The following STK3 variants were observed in gnomAD, a reference collection of about 807,000 sequenced individuals.
The protein encoded by STK3 is serine/threonine kinase 3.
Under a neutral mutation model 58.0 loss-of-function variants are expected in STK3, and 41 were observed. The ratio of observed to expected loss-of-function variants is 0.71; its 90% CI spans 0.55 to 0.92. The LOEUF is 0.92. Ranked by LOEUF, STK3 falls within the 40% of genes least tolerant of loss-of-function variation. The probability of loss-of-function intolerance (pLI) is 0.00; values close to 1 mark genes in which losing one functional copy is unlikely to be tolerated. For missense variants in STK3, 479 were observed against 602.7 expected (o/e 0.79, Z 2.15); for synonymous variants, 170 against 191.0 (o/e 0.89, Z 0.91).
intron 1 of STK3, among the ~76,000 whole-genome samples, chr8:98,795,850 A>G (rs1019276384): frequency 1.3e-5 from 2 of 148,414 alleles, no homozygotes; most frequent in African/African-American, 5.1e-5. Context: ...ACAATACAAT[A>G]CAATACAATA....
At chr8:98,803,912 A>G (rs1276631922) in intron 1 of STK3, among the ~76,000 whole-genome samples, 9 of 152,202 alleles carry the variant, frequency 5.9e-5, no homozygotes, top group Non-Finnish European at 7.3e-5. Context: ...GGAAAGATAG[A>G]TGAATAAAAG....
intron 6 of STK3, among the ~76,000 whole-genome samples, chr8:98,701,640 A>C (rs911973690): frequency 1.3e-5 from 2 of 150,438 alleles, no homozygotes; most frequent in African/African-American, 4.9e-5. Flanking sequence ...ATATATATAT[A>C]TATATATCTA....
rs1375778824 is a variant in STK3 at position 98,641,561 on chromosome 8, T to G, written c.685-45392A>C. On this transcript the variant is annotated intron_variant, in intron 6 of 10. Coordinates refer to ENST00000419617, the MANE Select transcript of STK3 (RefSeq NM_006281.4). ...TTAGTGAACAAAAGAAATAAGAAAT[T>G]CCTGCCCTCATGTTGCCAATTTACC... is the stretch of plus-strand genomic sequence containing the variant. 3.3e-5 allele frequency among the ~76,000 whole-genome samples: 5 copies of G among 152,170 alleles called. No homozygotes were observed. The South Asian group carries it at 1.0e-3, about 31-fold the overall frequency.
chr8:98,611,990 ACAAT>A (rs1446369898), intron 6 of STK3, among the ~76,000 whole-genome samples: 1 of 151,470 alleles, frequency 6.6e-6, no homozygotes, highest in East Asian at 1.9e-4. Flanking sequence ...CTAGGCAACA[ACAAT>A]CAAACTGTTC....
At chr8:98,794,443 C>T (rs1008966323) in intron 1 of STK3, among the ~76,000 whole-genome samples, 1 of 152,116 alleles carries the variant, frequency 6.6e-6, no homozygotes, top group Non-Finnish European at 1.5e-5. Context: ...TTCTTGGAAA[C>T]CCACAATCTC....
chr8:98,368,535 T>A (rs141194551), downstream of STK3, among the ~76,000 whole-genome samples: 26 of 152,296 alleles, frequency 1.7e-4, no homozygotes, highest in East Asian at 4.8e-3. Context: ...CCCTAACACA[T>A]GGCAGGTGAC....
chr8:98,777,324 C>T (rs1393580064), intron 1 of STK3, among the ~76,000 whole-genome samples: 1 of 151,912 alleles, frequency 6.6e-6, no homozygotes, highest in Non-Finnish European at 1.5e-5. Flanking sequence ...CTCAGGAGTT[C>T]GAGACCAGCC....
chr8:98,679,181 T>C (rs939485405), intron 6 of STK3, among the ~76,000 whole-genome samples: 2 of 152,238 alleles, frequency 1.3e-5, no homozygotes, highest in Non-Finnish European at 2.9e-5. Flanking sequence ...CTGGCTCTAA[T>C]GTCACTCCTC....
intron 1 of STK3, among the ~76,000 whole-genome samples, chr8:98,909,243 G>A (rs1281896673): frequency 3.3e-5 from 5 of 152,132 alleles, no homozygotes; most frequent in East Asian, 3.8e-4. Context: ...GCTCCTGGCC[G>A]TGGAATTTTT....
chr8:98,741,045 C>G (rs1260361693), intron 4 of STK3, among the ~76,000 whole-genome samples: 4 of 152,152 alleles, frequency 2.6e-5, no homozygotes, highest in African/African-American at 7.2e-5. Flanking sequence ...GAAGAGCTAA[C>G]TATCCTAAAC....
chr8:98,673,594 G>A (rs574557169), intron 6 of STK3, among the ~76,000 whole-genome samples: 4 of 152,140 alleles, frequency 2.6e-5, no homozygotes, highest in South Asian at 2.1e-4. Context: ...TGCCAGGATC[G>A]GAGGGGTGGG....
intron 6 of STK3, among the ~76,000 whole-genome samples, chr8:98,627,798 C>T (rs1020771649): frequency 6.6e-6 from 1 of 152,158 alleles, no homozygotes; most frequent in East Asian, 1.9e-4. Flanking sequence ...ATGTTTACTA[C>T]CAAAAATTTT....
At chr8:98,507,771 CAG>C (rs1326163774) in intron 10 of STK3, among the ~76,000 whole-genome samples, 7 of 152,174 alleles carry the variant, frequency 4.6e-5, no homozygotes, top group Admixed American at 1.3e-4. Flanking sequence ...GCTTCCACTT[CAG>C]AGTCTTTGCT....
At chr8:98,516,881 T>C (rs921086587) in intron 10 of STK3, among the ~76,000 whole-genome samples, 7 of 152,070 alleles carry the variant, frequency 4.6e-5, no homozygotes, top group Admixed American at 4.6e-4. Context: ...CCTTGGCTAT[T>C]AGGTAGTTTC....
intron 1 of STK3, among the ~76,000 whole-genome samples, chr8:98,825,049 A>G (rs1377795808): frequency 2.0e-5 from 3 of 152,234 alleles, no homozygotes; most frequent in African/African-American, 7.2e-5. Context: ...AGTAAATACC[A>G]TACCAAAGCA....
rs531030283 is a variant in STK3, at chr8:98,869,162, C to T, written c.110+14485G>A. Among the ~76,000 whole-genome samples, 9 of 151,846 alleles carry T rather than the reference C, an allele frequency of 5.9e-5. No individual in the cohort carries two copies. The East Asian group carries it at 7.8e-4, about 13-fold the overall frequency. Reference sequence around the variant, plus strand: ...CACGCTGGGTCTGGTGGCTCTTGCCCGTAGTCCCAGCACTTTAGGAGGCTG... The same window carrying T: ...CACGCTGGGTCTGGTGGCTCTTGCCTGTAGTCCCAGCACTTTAGGAGGCTG... On this transcript the variant is annotated intron_variant, in intron 3 of 12. Transcript: ENST00000523601.
Position 98,719,567 on chromosome 8 carries a change from T to C in STK3, c.352-12256A>G, listed in dbSNP as rs189406570. On this transcript the variant is annotated intron_variant, in intron 4 of 10. Transcript: ENST00000419617. The stretch of plus-strand genomic sequence containing the variant: ...TTTCCAGGGATATTATACTAATTCA[T>C]GAACTGTCTGGCTTTGCTCAATGAC... Among the ~76,000 whole-genome samples, 154 of 152,348 alleles carry C rather than the reference T, an allele frequency of 1.0e-3. 1 individual carries two copies. Among genetic ancestry groups the C allele is most frequent in the African/African-American group, 3.6e-3 (148 of 41,580 alleles).
intron 6 of STK3, among the ~76,000 whole-genome samples, chr8:98,654,908 C>A (rs1420204944): frequency 6.6e-6 from 1 of 152,060 alleles, no homozygotes; most frequent in African/African-American, 2.4e-5. Flanking sequence ...GGCCATACTG[C>A]CCAAGGTAGT....
At chr8:98,883,895 A>G in intron 1 of STK3, 2 of 576,486 alleles carry the variant, frequency 3.5e-6, no homozygotes, top group Non-Finnish European at 6.2e-6. Flanking sequence ...GGGCAGTCAC[A>G]TACAAATAGG....
Sources: gnomAD v4.1 joint callset for allele counts (sites outside exome capture counted in the v4.1 genomes callset) on GRCh38, gnomAD v4.1.1 for gene constraint, MANE v1.5 for transcripts, NCBI Gene and HGNC (gene_info 2026-07-23, HGNC 2026-07-21) for gene names.